Variants in PARD3B observed in about 807,000 individuals in gnomAD.
PARD3B encodes partitioning defective 3 homolog B.
A neutral mutation model predicts 130.2 loss-of-function variants in PARD3B; 103 were observed. That is an observed-to-expected ratio of 0.79 (90% CI 0.67 to 0.93). PARD3B has a LOEUF of 0.93. Among genes scored for constraint, PARD3B ranks in the 40% least tolerant of loss-of-function variants. The pLI is 0.00. For synonymous variants in PARD3B, 583 were observed against 553.2 expected, an observed-to-expected ratio of 1.05 and a Z score of -0.76; for missense variants, 1,609 against 1,499.2, an observed-to-expected ratio of 1.07 and a Z score of -1.21.
chr2:204,930,906 A>C (rs541577834), intron 2 of PARD3B, among the ~76,000 whole-genome samples: 1 of 152,064 alleles, frequency 6.6e-6, no homozygotes, highest in Non-Finnish European at 1.5e-5. Context: ...CACGATGAAC[A>C]CTTGAGTATA....
At chr2:204,644,178 C>G (rs1277174718) in intron 1 of PARD3B, among the ~76,000 whole-genome samples, 1 of 151,890 alleles carries the variant, frequency 6.6e-6, no homozygotes, top group South Asian at 2.1e-4. Flanking sequence ...TAAAACCCAG[C>G]CATGTTACAC....
At chr2:205,479,895 A>ATTTTTTTT (rs71032475) in intron 20 of PARD3B, among the ~76,000 whole-genome samples, 6 of 127,884 alleles carry the variant, frequency 4.7e-5, no homozygotes, top group Non-Finnish European at 3.2e-5. Context: ...GCCATATGCA[A>ATTTTTTTT]TTTTTTTTTT....
rs1296423171 is a variant in PARD3B at position 204,993,865 on chromosome 2, G to A, written c.394+28542G>A. Among the ~76,000 whole-genome samples the A allele has an allele frequency of 1.1e-4, 17 of 151,630 alleles. No homozygotes were observed. The East Asian group carries it at 1.2e-3, about 10-fold the overall frequency. On this transcript the variant is annotated intron_variant, in intron 3 of 22. Coordinates refer to ENST00000406610, the MANE Select transcript of PARD3B (RefSeq NM_001302769.2). ...CTTCTAGATTTTCTAGTTTATTTGC[G>A]TAGAGGTGTTTGTAGTATTCTCTGA... is the stretch of plus-strand genomic sequence containing the variant.
At chr2:205,189,429 C>T (rs968465182) in intron 14 of PARD3B, among the ~76,000 whole-genome samples, 5 of 152,162 alleles carry the variant, frequency 3.3e-5, no homozygotes, top group African/African-American at 4.8e-5. Flanking sequence ...CATAATTTGA[C>T]GTTGAGTATC....
Position 205,591,256 on chromosome 2 carries a change from C to G in PARD3B, c.3261-24200C>G, listed in dbSNP as rs1042704873. ...ATTTTGTATAAGTTTTTTCAATGAA[C>G]ATAGTCCATACATTTTGGGAAAGTG... On this transcript the variant is annotated intron_variant, in intron 22 of 22. Coordinates refer to ENST00000406610, the MANE Select transcript of PARD3B (RefSeq NM_001302769.2). This position sits in a 1 kb window ranked among gnomAD's most constrained non-coding sequence, Gnocchi z 4.2. 6.6e-5 allele frequency among the ~76,000 whole-genome samples: 10 copies of G among 152,102 alleles called. No individual in the cohort carries two copies. Among genetic ancestry groups the G allele is most frequent in the African/African-American group, 2.4e-4 (10 of 41,430 alleles).
At chr2:204,953,418 CACAGAGAGAGAGAGAGAGAG>C (rs1364875032) in intron 2 of PARD3B, among the ~76,000 whole-genome samples, 14 of 117,424 alleles carry the variant, frequency 1.2e-4, no homozygotes, top group Middle Eastern at 4.3e-3. Context: ...CATACACACA[CACAGAGAGAGAGAGAGAGAG>C]AGAGAGAGAG....
At chr2:204,600,310 A>G (rs934302169) in intron 1 of PARD3B, among the ~76,000 whole-genome samples, 1 of 151,896 alleles carries the variant, frequency 6.6e-6, no homozygotes, top group African/African-American at 2.4e-5. Flanking sequence ...CATGTCTTAC[A>G]TTATGTAAGA....
At chr2:205,188,436 G>A (rs1337264288) in intron 14 of PARD3B, among the ~76,000 whole-genome samples, 3 of 152,204 alleles carry the variant, frequency 2.0e-5, no homozygotes, top group Non-Finnish European at 4.4e-5. Context: ...ACAGTATCAG[G>A]CAGAGCAGTT....
In PARD3B at chr2:205,149,610, G is replaced by A. The variant is rs1162279108; in HGVS notation, c.1435-9112G>A. On this transcript the variant is annotated intron_variant, in intron 10 of 22. Transcript: ENST00000406610. ...TCTAACACTTTTTCATCTTAATTGTGCTGAAGTATCTCCTATTTTCTCCAC... is the reference window on the plus strand; with the variant it reads ...TCTAACACTTTTTCATCTTAATTGTACTGAAGTATCTCCTATTTTCTCCAC... 2.0e-5 allele frequency among the ~76,000 whole-genome samples: 3 copies of A among 152,242 alleles called. No homozygotes were observed. In the East Asian group the frequency reaches 5.8e-4, roughly 29 times the overall value.
At position 205,525,388 on chromosome 2, in the gene PARD3B, GT is replaced by G. The variant is rs545953039; in HGVS notation, c.3180+25364del. On this transcript the variant is annotated intron_variant, in intron 21 of 22. Transcript: ENST00000406610. This position sits in a 1 kb window ranked among gnomAD's most constrained non-coding sequence, Gnocchi z 4.2. ...CCAAAGAAATTCGGAGGATTAAGAG[GT>G]TTTTTTGTTTTTGTTTTTACATTGA... 4.6e-5 allele frequency among the ~76,000 whole-genome samples: 7 copies of G among 151,934 alleles called. No individual in the cohort carries two copies.
chr2:204,591,832 T>G (rs2033084176), intron 1 of PARD3B, among the ~76,000 whole-genome samples: 1 of 152,246 alleles, frequency 6.6e-6, no homozygotes, highest in Non-Finnish European at 1.5e-5. Flanking sequence ...AATAATTTCT[T>G]GGAGTGCTGT....
rs2106539123 is a variant in PARD3B at position 205,568,002 on chromosome 2, A to G, written c.3260+14599A>G. Among the ~76,000 whole-genome samples, 1 of 152,268 alleles carries G rather than the reference A, an allele frequency of 6.6e-6. No individual in the cohort carries two copies. Among genetic ancestry groups the G allele is most frequent in the Non-Finnish European group, 1.5e-5 (1 of 68,032 alleles). ...TACTTAACTTTTGGTCCCATTTGTC[A>G]TTGGTTAAGAGTTGTTCCTAAGATA... On this transcript the variant is annotated intron_variant, in intron 22 of 22. Transcript: ENST00000406610. The surrounding 1 kb of genome is among the most constrained non-coding windows in gnomAD (Gnocchi z 5.3).
At chr2:205,242,717 C>T (rs1362343841) in intron 15 of PARD3B, among the ~76,000 whole-genome samples, 16 of 152,160 alleles carry the variant, frequency 1.1e-4, no homozygotes, top group Non-Finnish European at 2.9e-5. Context: ...ACCACCTTTA[C>T]CACTCTCACA....
chr2:205,413,037 G>A (rs529340930), intron 19 of PARD3B, among the ~76,000 whole-genome samples: 50 of 152,212 alleles, frequency 3.3e-4, no homozygotes, highest in African/African-American at 8.2e-4. Flanking sequence ...ATTTTTCTTC[G>A]TCTTTCTTTG....
chr2:205,288,088 C>A lies in PARD3B; in HGVS notation c.2186-12442C>A, dbSNP rs989120112. On this transcript the variant is annotated intron_variant, in intron 16 of 22. Coordinates refer to ENST00000406610, the MANE Select transcript of PARD3B (RefSeq NM_001302769.2). The surrounding 1 kb of genome is among the most constrained non-coding windows in gnomAD (Gnocchi z 4.0). ...ACTGCCCATTAATCATTATATATTA[C>A]CAAATATAGTAAAGCGTGCTTACGA... Among the ~76,000 whole-genome samples, 1 of 152,062 alleles carries A rather than the reference C, an allele frequency of 6.6e-6. No individual in the cohort carries two copies. The highest frequency in any genetic ancestry group is 2.4e-5 in the African/African-American group (1 of 41,390).
chr2:204,866,774 C>T (rs568838793), intron 2 of PARD3B, among the ~76,000 whole-genome samples: 14 of 151,720 alleles, frequency 9.2e-5, no homozygotes, highest in Non-Finnish European at 1.8e-4. Flanking sequence ...AATTCAGGGG[C>T]GTAATCGTTT....
intron 1 of PARD3B, among the ~76,000 whole-genome samples, chr2:204,613,730 T>C (rs1289335028): frequency 1.1e-4 from 17 of 152,102 alleles, no homozygotes; most frequent in Non-Finnish European, 1.5e-5. Flanking sequence ...TTATGAACTT[T>C]GTTTTATTCC....
intron 4 of PARD3B, among the ~76,000 whole-genome samples, chr2:205,057,981 T>C (rs1699839501): frequency 6.6e-6 from 1 of 151,746 alleles, no homozygotes; most frequent in Non-Finnish European, 1.5e-5. Context: ...TACATTCACA[T>C]TGTTCTGCAT....
intron 18 of PARD3B, among the ~76,000 whole-genome samples, chr2:205,312,801 G>A (rs2042434797): frequency 6.6e-6 from 1 of 152,132 alleles, no homozygotes; most frequent in Admixed American, 6.5e-5. Context: ...GTTGGAAAGA[G>A]CAATGACCCT....
Sources: allele counts gnomAD v4.1 joint callset (sites outside exome capture counted in the v4.1 genomes callset), GRCh38; gene constraint gnomAD v4.1.1; non-coding constraint Gnocchi (gnomAD v3.1); transcripts MANE v1.5; gene names NCBI Gene and HGNC (gene_info 2026-07-23, HGNC 2026-07-21).